The following RNASEH2B variants were observed in gnomAD, a reference collection of about 807,000 sequenced individuals.
RNASEH2B encodes the protein ribonuclease H2 subunit B, also known as Aicardi-Goutieres syndrome 2 protein.
A neutral mutation model predicts 45.0 loss-of-function variants in RNASEH2B; 36 were observed. The observed-to-expected ratio is 0.80, with a 90% CI of 0.61 to 1.06. RNASEH2B has a LOEUF of 1.06. RNASEH2B is among the 50% of genes least tolerant of loss of function. The probability of loss-of-function intolerance (pLI) is 0.00; values close to 1 mark genes in which losing one functional copy is unlikely to be tolerated. For synonymous variants in RNASEH2B, 119 were observed against 125.7 expected, an observed-to-expected ratio of 0.95 and a Z score of 0.35; for missense variants, 361 against 360.3, an observed-to-expected ratio of 1.00 and a Z score of -0.02.
chr13:50,914,334 C>T (rs949923846), intron 1 of RNASEH2B, among the ~76,000 whole-genome samples: 10 of 152,112 alleles, frequency 6.6e-5, no homozygotes, highest in South Asian at 4.1e-4. Context: ...ACGTGAGGGC[C>T]GAAAGCTTCC....
At chr13:50,943,290 T>G in intron 5 of RNASEH2B, 31 bp from the exon 6 acceptor site, 3 of 1,243,658 alleles carry the variant, frequency 2.4e-6, no homozygotes, top group Non-Finnish European at 3.5e-6. Context: ...TTTTTTTAAT[T>G]CATTGTGCTG....
chr13:50,958,700 AAT>A (rs1180955088), downstream of RNASEH2B, among the ~76,000 whole-genome samples: 3 of 152,140 alleles, frequency 2.0e-5, no homozygotes, highest in Non-Finnish European at 4.4e-5. Flanking sequence ...GTTCTTCATA[AAT>A]ATGTTTTTTA....
intron 1 of RNASEH2B, among the ~76,000 whole-genome samples, chr13:50,925,957 A>G (rs954914980): frequency 6.6e-6 from 1 of 152,176 alleles, no homozygotes; most frequent in Admixed American, 6.5e-5. Context: ...TAAAGCAGTA[A>G]GCTGGGCAAT....
intron 5 of RNASEH2B, chr13:50,938,069 T>C (rs1254828585): frequency 6.6e-6 from 1 of 152,262 alleles, no homozygotes; most frequent in Non-Finnish European, 1.5e-5. Context: ...CTAGAATTGA[T>C]AAGCAAAGTT....
Position 50,930,753 on chromosome 13 carries a change from TAAG to T in RNASEH2B, c.316_318del (p.Lys106del). The T allele has an allele frequency of 1.2e-6, 2 of 1,613,090 alleles. No homozygotes were observed. The highest frequency in any genetic ancestry group is 1.1e-5 in the South Asian group (1 of 91,068). On this transcript the variant is annotated inframe_deletion, in exon 4 of 11. Transcript: ENST00000336617. Reference sequence around the variant, plus strand: ...TTCTCCACTACCTCATAAAGGCTGATAAGGAGGTGAGTTTCCAGCTCGGAGCAT... The same window carrying T: ...TTCTCCACTACCTCATAAAGGCTGATGAGGTGAGTTTCCAGCTCGGAGCAT...
chr13:50,941,839 TG>T (rs1951836402), intron 5 of RNASEH2B: 1 of 152,224 alleles, frequency 6.6e-6, no homozygotes, highest in Non-Finnish European at 1.5e-5. Context: ...CCCTCTTTTT[TG>T]TTACTGTAGT....
intron 1 of RNASEH2B, among the ~76,000 whole-genome samples, chr13:50,919,098 A>T (rs1057405966): frequency 6.6e-6 from 1 of 152,258 alleles, no homozygotes; most frequent in East Asian, 1.9e-4. Context: ...CTTCCAAGTC[A>T]TAAGAACAAT....
Position 50,953,719 on chromosome 13 carries a change from G to A in RNASEH2B, c.742-186G>A, listed in dbSNP as rs1593479754. 8.1e-6 allele frequency: 5 copies of A among 613,556 alleles called. No homozygotes were observed. The East Asian group carries it at 8.2e-5, about 10-fold the overall frequency. 38.0% of individuals were successfully genotyped at this position (613,556 alleles called of 1,614,324 possible). The stretch of plus-strand genomic sequence containing the variant: ...ACCAAGGCTGCTTCTTAGGAGTGAT[G>A]TGTGGCTCAATTCCCTAGATGATTG... On this transcript the variant is annotated intron_variant, in intron 9 of 10. Coordinates refer to ENST00000336617, the MANE Select transcript of RNASEH2B (RefSeq NM_024570.4).
intron 6 of RNASEH2B, 48 bp downstream of exon 6, chr13:50,943,442 T>C (rs1308420625): frequency 7.4e-7 from 1 of 1,342,446 alleles, no homozygotes; most frequent in Non-Finnish European, 1.1e-6. Context: ...AATTCAGTTC[T>C]CTAAGAAATT....
chr13:50,950,284 T>TC (rs1951959736), intron 9 of RNASEH2B: 1 of 152,242 alleles, frequency 6.6e-6, no homozygotes, highest in Admixed American at 6.5e-5. Context: ...TTACAAACTT[T>TC]CCTTCTCCCT....
intron 1 of RNASEH2B, among the ~76,000 whole-genome samples, chr13:50,923,444 T>C (rs1951550175): frequency 6.6e-6 from 1 of 152,078 alleles, no homozygotes; most frequent in African/African-American, 2.4e-5. Flanking sequence ...AAATGACTCA[T>C]CAAATAAAAG....
At chr13:50,969,514 T>G (rs1444191534) in intron 9 of RNASEH2B, among the ~76,000 whole-genome samples, 3 of 123,078 alleles carry the variant, frequency 2.4e-5, no homozygotes, top group South Asian at 2.4e-4. Context: ...TAAAAGGAAC[T>G]GCCTCTACAA....
At chr13:50,949,440 A>T (rs1432219851) in intron 8 of RNASEH2B, 23 bp from the exon 9 acceptor site, 2 of 1,611,372 alleles carry the variant, frequency 1.2e-6, no homozygotes, top group South Asian at 2.2e-5. Flanking sequence ...GATGACTTTG[A>T]TTGTTATTTT....
intron 9 of RNASEH2B, chr13:50,953,163 C>G (rs1272963333): frequency 1.3e-5 from 2 of 152,130 alleles, no homozygotes; most frequent in African/African-American, 4.8e-5. Flanking sequence ...TGCTTTTGTA[C>G]CTTTTACATA....
At chr13:50,958,264 TG>T (rs2138031497), downstream of RNASEH2B, among the ~76,000 whole-genome samples, 1 of 152,346 alleles carries the variant, frequency 6.6e-6, no homozygotes, top group Non-Finnish European at 1.5e-5. Context: ...AGTTAATTTT[TG>T]TATATGGTGA....
At chr13:50,911,740 A>G (rs1305139890) in intron 1 of RNASEH2B, 1 of 152,232 alleles carries the variant, frequency 6.6e-6, no homozygotes, top group Admixed American at 6.5e-5. Flanking sequence ...TTTTCATTAG[A>G]AAAATCATCC....
intron 9 of RNASEH2B, chr13:50,953,505 T>A (rs1952001875): frequency 4.4e-6 from 1 of 226,470 alleles, no homozygotes; most frequent in South Asian, 7.7e-5. Context: ...AGGAGGTAAA[T>A]GAAATAGGGA....
At chr13:50,918,101 A>C (rs67932352) in intron 1 of RNASEH2B, among the ~76,000 whole-genome samples, 1 of 151,928 alleles carries the variant, frequency 6.6e-6, no homozygotes, top group Non-Finnish European at 1.5e-5. Flanking sequence ...TTTGTCTTCT[A>C]TGGTCCTGCT....
intron 4 of RNASEH2B, among the ~76,000 whole-genome samples, chr13:50,932,792 A>G (rs1218931006): frequency 6.6e-6 from 1 of 152,210 alleles, no homozygotes; most frequent in Non-Finnish European, 1.5e-5. Flanking sequence ...TTTCTTACTT[A>G]ATCCTTAGAT....
Sources: gnomAD v4.1 joint callset for allele counts (sites outside exome capture counted in the v4.1 genomes callset) on GRCh38, gnomAD v4.1.1 for gene constraint, MANE v1.5 for transcripts, NCBI Gene and HGNC (gene_info 2026-07-23, HGNC 2026-07-21) for gene names.